The following RAB33A variants were observed in gnomAD, a reference collection of about 807,000 sequenced individuals.
RAB33A encodes the protein ras-related protein Rab-33A.
Under a neutral mutation model 12.0 loss-of-function variants are expected in RAB33A, and 6 were observed. That is an observed-to-expected ratio of 0.50 (90% confidence interval 0.27 to 0.99). The LOEUF is 0.99. Among genes scored for constraint, RAB33A ranks in the 50% least tolerant of loss-of-function variants. The pLI is 0.11. For synonymous variants in RAB33A, 70 were observed against 82.4 expected, an observed-to-expected ratio of 0.85 and a Z score of 0.81; for missense variants, 109 against 192.0, an observed-to-expected ratio of 0.57 and a Z score of 2.55.
the RAB33A span, among the ~76,000 whole-genome samples, chrX:130,121,281 G>A: frequency 2.0e-3 from 176 of 89,298 alleles, no homozygotes; most frequent in African/African-American, 6.4e-3. Flanking sequence ...GCGGAGTCTC[G>A]CTCTTTCGCT....
the RAB33A span, among the ~76,000 whole-genome samples, chrX:130,140,175 T>C: frequency 8.9e-6 from 1 of 112,700 alleles, no homozygotes; most frequent in East Asian, 2.8e-4. Context: ...CCAGCTAGCA[T>C]AGCTACATGG....
the RAB33A span, among the ~76,000 whole-genome samples, chrX:130,161,188 T>C: frequency 9.0e-6 from 1 of 110,998 alleles, no homozygotes; most frequent in Non-Finnish European, 1.9e-5. Flanking sequence ...ACTTGTTTCC[T>C]GAGGGTCAAA....
At chrX:130,144,977 C>T in the RAB33A span, among the ~76,000 whole-genome samples, 1 of 111,613 alleles carries the variant, frequency 9.0e-6, no homozygotes, top group African/African-American at 3.3e-5. Flanking sequence ...GGAACACTGC[C>T]ATTAGTTTAC....
the RAB33A span, among the ~76,000 whole-genome samples, chrX:130,112,679 C>T: frequency 4.0e-4 from 44 of 111,020 alleles, no homozygotes; most frequent in Admixed American, 2.4e-3. Context: ...CCAGCCTGGC[C>T]AACATGGTGA....
At chrX:130,143,309 C>T in the RAB33A span, among the ~76,000 whole-genome samples, 2 of 112,112 alleles carry the variant, frequency 1.8e-5, no homozygotes, top group Non-Finnish European at 3.8e-5. Context: ...GCAGATATTC[C>T]ACTTCATACT....
chrX:130,155,398 A>C, the RAB33A span: 4 of 893,928 alleles, frequency 4.5e-6, no homozygotes, highest in African/African-American at 8.0e-5. Context: ...CCCTGTGCTA[A>C]AAAAGGAAAA....
the RAB33A span, among the ~76,000 whole-genome samples, chrX:130,123,109 C>T: frequency 9.0e-6 from 1 of 111,404 alleles, no homozygotes. Flanking sequence ...TAGAGGTAAA[C>T]AGCAACTGAG....
upstream of RAB33A, among the ~76,000 whole-genome samples, chrX:130,167,824 C>T (rs2031558281): frequency 9.1e-6 from 1 of 110,342 alleles, no homozygotes; most frequent in African/African-American, 3.3e-5. Flanking sequence ...AGAGTTGGGC[C>T]CTAACTTTGG....
At chrX:130,175,883 C>A (rs2031660078) in intron 1 of RAB33A, among the ~76,000 whole-genome samples, 1 of 111,727 alleles carries the variant, frequency 9.0e-6, no homozygotes, top group African/African-American at 3.3e-5. Context: ...GATCCAGTGT[C>A]CTCCTCTTGC....
At chrX:130,178,588 C>A (rs764762785) in intron 1 of RAB33A, among the ~76,000 whole-genome samples, 6 of 111,096 alleles carry the variant, frequency 5.4e-5, no homozygotes, top group Admixed American at 4.8e-4. Context: ...CGAGATCATG[C>A]CACTGCACTC....
intron 1 of RAB33A, among the ~76,000 whole-genome samples, chrX:130,177,613 C>A (rs1232326168): frequency 8.9e-6 from 1 of 111,770 alleles, no homozygotes. Context: ...CACATACTTA[C>A]AAGGACTACT....
chrX:130,163,413 A>G, the RAB33A span, among the ~76,000 whole-genome samples: 2 of 112,014 alleles, frequency 1.8e-5, no homozygotes, highest in South Asian at 3.7e-4. Context: ...ATGCTACTAC[A>G]TGAAAAAGAA....
chrX:130,161,886 C>T, the RAB33A span, among the ~76,000 whole-genome samples: 33 of 111,889 alleles, frequency 2.9e-4, no homozygotes, highest in Admixed American at 8.5e-4. Context: ...GGATTACAGG[C>T]GTGAGCCACC....
At chrX:130,118,465 G>C in the RAB33A span, among the ~76,000 whole-genome samples, 2 of 112,862 alleles carry the variant, frequency 1.8e-5, no homozygotes, top group Non-Finnish European at 3.7e-5. Flanking sequence ...GCTAGACAGA[G>C]GCATAGCAGA....
the RAB33A span, chrX:130,129,537 G>A: frequency 1.7e-6 from 2 of 1,204,522 alleles, no homozygotes; most frequent in South Asian, 3.5e-5. Context: ...CAGTGGGTTT[G>A]CCAATTCCAC....
chrX:130,138,307 T>C, the RAB33A span, among the ~76,000 whole-genome samples: 3 of 108,941 alleles, frequency 2.8e-5, no homozygotes, highest in Non-Finnish European at 5.7e-5. Context: ...CTACTAAAAA[T>C]ACAAAAAATT....
chrX:130,178,354 C>T (rs1240328829), intron 1 of RAB33A, among the ~76,000 whole-genome samples: 1 of 104,590 alleles, frequency 9.6e-6, no homozygotes, highest in Admixed American at 1.0e-4. Flanking sequence ...AGAGACCAGG[C>T]GTGGTGGCTC....
At chrX:130,148,296 G>T in the RAB33A span, among the ~76,000 whole-genome samples, 10 of 111,227 alleles carry the variant, frequency 9.0e-5, no homozygotes, top group African/African-American at 3.3e-4. Flanking sequence ...GTCAATTGGG[G>T]ATTATCATAC....
chrX:130,176,869 T>C, intron 1 of RAB33A, among the ~76,000 whole-genome samples: 1 of 111,660 alleles, frequency 9.0e-6, no homozygotes, highest in East Asian at 2.8e-4. Context: ...TACAGATGTA[T>C]TTGTCTCCTT....
Sources: gnomAD v4.1 joint callset for allele counts (sites outside exome capture counted in the v4.1 genomes callset) on GRCh38, gnomAD v4.1.1 for gene constraint, MANE v1.5 for transcripts, NCBI Gene and HGNC (gene_info 2026-07-23, HGNC 2026-07-21) for gene names.